GLIS3: variants seen among roughly 807,000 people sequenced by gnomAD.
The protein encoded by GLIS3 is zinc finger protein GLIS3.
GLIS3 carries 53 observed loss-of-function variants against 78.6 expected under a neutral mutation model. That is an observed-to-expected ratio of 0.67 (90% CI 0.54 to 0.85). The LOEUF (loss-of-function observed/expected upper bound fraction) is 0.85, where lower values mean the gene tolerates loss of function less well. Among genes scored for constraint, GLIS3 ranks in the 40% least tolerant of loss-of-function variants. The pLI, the probability that GLIS3 is intolerant of heterozygous loss-of-function variation, is 0.00. For missense variants in GLIS3, 1,703 were observed against 1,231.1 expected, an observed-to-expected ratio of 1.38 and a Z score of -5.74; for synonymous variants, 684 against 509.9, an observed-to-expected ratio of 1.34 and a Z score of -4.60.
intron 4 of GLIS3, among the ~76,000 whole-genome samples, chr9:4,082,345 G>T (rs1250447132): frequency 6.6e-6 from 1 of 152,178 alleles, no homozygotes; most frequent in Non-Finnish European, 1.5e-5. Flanking sequence ...TTCAAAAGAA[G>T]ATAGAACGAA....
chr9:4,487,466 G>A, the GLIS3 span, among the ~76,000 whole-genome samples: 2 of 151,944 alleles, frequency 1.3e-5, no homozygotes, highest in African/African-American at 4.8e-5. Context: ...ATTTAAGCCA[G>A]GTGCCCAAGG....
chr9:3,852,916 T>C (rs992166827), intron 9 of GLIS3, among the ~76,000 whole-genome samples: 2 of 152,188 alleles, frequency 1.3e-5, no homozygotes, highest in Non-Finnish European at 2.9e-5. Context: ...AATTAGAATG[T>C]GAAAGTTAGG....
intron 8 of GLIS3, among the ~76,000 whole-genome samples, chr9:3,867,165 C>T (rs1820640796): frequency 6.6e-6 from 1 of 152,190 alleles, no homozygotes; most frequent in South Asian, 2.1e-4. Flanking sequence ...TCAAGAAACA[C>T]ATTAGACTGA....
At chr9:3,900,507 T>C (rs200314166) in intron 6 of GLIS3, among the ~76,000 whole-genome samples, 7 of 151,862 alleles carry the variant, frequency 4.6e-5, no homozygotes, top group Non-Finnish European at 7.4e-5. Flanking sequence ...TATACACATA[T>C]ATATATAAAA....
intron 2 of GLIS3, among the ~76,000 whole-genome samples, chr9:4,206,683 A>T (rs952514286): frequency 2.6e-5 from 4 of 152,244 alleles, no homozygotes; most frequent in African/African-American, 7.2e-5. Flanking sequence ...GGTGTGAACC[A>T]TCCATAAATG....
intron 2 of GLIS3, among the ~76,000 whole-genome samples, chr9:4,258,691 G>C (rs1376453181): frequency 2.0e-5 from 3 of 152,154 alleles, no homozygotes; most frequent in African/African-American, 7.2e-5. Flanking sequence ...AGTTAGTTTT[G>C]AGTGGCAGAA....
At position 3,951,660 on chromosome 9, in the gene GLIS3, C is replaced by A. The variant is rs367747934; in HGVS notation, c.1711-14471G>T. Among the ~76,000 whole-genome samples the A allele has an allele frequency of 4.0e-5, 6 of 151,886 alleles. No individual in the cohort carries two copies. In the East Asian group the frequency reaches 9.6e-4, roughly 24 times the overall value. ...CCTTAGCTCTAAACTTCAGGGTGAACGGACACTGATTTTAATAAAGGGGGT... is the reference window on the plus strand; with the variant it reads ...CCTTAGCTCTAAACTTCAGGGTGAAAGGACACTGATTTTAATAAAGGGGGT... On this transcript the variant is annotated intron_variant, in intron 4 of 10. Transcript: ENST00000381971.
the GLIS3 span, among the ~76,000 whole-genome samples, chr9:4,385,321 T>A: frequency 1.3e-5 from 2 of 152,112 alleles, no homozygotes; most frequent in Non-Finnish European, 2.9e-5. Flanking sequence ...TTCCAAGCAA[T>A]ATAGATGTTA....
chr9:4,101,578 T>A (rs1830375234), intron 4 of GLIS3, among the ~76,000 whole-genome samples: 3 of 152,276 alleles, frequency 2.0e-5, no homozygotes, highest in Non-Finnish European at 2.9e-5. Context: ...ATCTTATAAT[T>A]TAGAAATTAT....
intron 2 of GLIS3, among the ~76,000 whole-genome samples, chr9:4,283,422 C>T (rs1390610211): frequency 6.6e-6 from 1 of 152,080 alleles, no homozygotes; most frequent in African/African-American, 2.4e-5. Flanking sequence ...CCCACCACCA[C>T]ACCCGGCTCA....
chr9:4,407,824 G>C, the GLIS3 span, among the ~76,000 whole-genome samples: 1 of 152,014 alleles, frequency 6.6e-6, no homozygotes, highest in African/African-American at 2.4e-5. Flanking sequence ...AAAGTGAAGA[G>C]GCAACCCGCA....
At chr9:4,154,057 G>A (rs1004069858) in intron 2 of GLIS3, among the ~76,000 whole-genome samples, 3 of 152,184 alleles carry the variant, frequency 2.0e-5, no homozygotes, top group African/African-American at 7.2e-5. Context: ...CTGTCAATAA[G>A]AACACCAACA....
rs181816489 is a variant in GLIS3 at position 4,095,135 on chromosome 9, T to C, written c.1710+22633A>G. Among the ~76,000 whole-genome samples, 24 of 152,294 alleles carry C rather than the reference T, an allele frequency of 1.6e-4. No individual in the cohort carries two copies. The East Asian group carries it at 4.0e-3, about 26-fold the overall frequency. ...AAAACACTAGAACTTATTCCTCCTA[T>C]CTAGCTGTAATTTTGTATCCTTTAA... On this transcript the variant is annotated intron_variant, in intron 4 of 10. Transcript: ENST00000381971.
At chr9:3,856,394 G>A (rs1275033751) in intron 8 of GLIS3, among the ~76,000 whole-genome samples, 7 of 152,094 alleles carry the variant, frequency 4.6e-5, no homozygotes, top group Non-Finnish European at 2.9e-5. Flanking sequence ...GATACAGAGG[G>A]AATAAACAAG....
At chr9:4,061,901 G>A (rs572137635) in intron 4 of GLIS3, among the ~76,000 whole-genome samples, 12 of 152,288 alleles carry the variant, frequency 7.9e-5, no homozygotes, top group African/African-American at 2.6e-4. Context: ...AGGGTGTCCT[G>A]AGACAGCTTC....
chr9:4,087,037 G>A (rs959408273), intron 4 of GLIS3, among the ~76,000 whole-genome samples: 4 of 152,176 alleles, frequency 2.6e-5, no homozygotes, highest in African/African-American at 7.2e-5. Flanking sequence ...ACTTGTAATT[G>A]TTTAACTGAG....
the GLIS3 span, among the ~76,000 whole-genome samples, chr9:4,358,880 G>T: frequency 2.0e-5 from 3 of 152,134 alleles, no homozygotes; most frequent in Admixed American, 6.5e-5. Flanking sequence ...AAGTCAGTGT[G>T]GGCTACCACT....
intron 4 of GLIS3, among the ~76,000 whole-genome samples, chr9:3,981,844 C>T (rs1179935588): frequency 6.6e-6 from 1 of 152,124 alleles, no homozygotes. Context: ...TGCCTAGCCA[C>T]TTTTTGGCAA....
At chr9:4,383,140 C>G in the GLIS3 span, among the ~76,000 whole-genome samples, 3 of 152,332 alleles carry the variant, frequency 2.0e-5, no homozygotes, top group African/African-American at 7.2e-5. Context: ...AAAGCAAGAA[C>G]TGAAACGAGT....
Sources: allele counts gnomAD v4.1 joint callset (sites outside exome capture counted in the v4.1 genomes callset), GRCh38; gene constraint gnomAD v4.1.1; transcripts MANE v1.5; gene names NCBI Gene and HGNC (gene_info 2026-07-23, HGNC 2026-07-21).